Variants in DOCK2 observed in about 807,000 individuals in gnomAD.
DOCK2 encodes the protein dedicator of cytokinesis 2.
DOCK2 carries 87 observed loss-of-function variants against 248.9 expected under a neutral mutation model. That is an observed-to-expected ratio of 0.35 (90% CI 0.29 to 0.42). The LOEUF is 0.42. Among genes scored for constraint, DOCK2 ranks in the 10% least tolerant of loss-of-function variants. The pLI is 1.00. For synonymous variants in DOCK2, 805 were observed against 821.6 expected, an observed-to-expected ratio of 0.98 and a Z score of 0.35; for missense variants, 1,747 against 2,300.2, an observed-to-expected ratio of 0.76 and a Z score of 4.92.
chr5:169,947,075 C>T (rs764427559), intron 27 of DOCK2, among the ~76,000 whole-genome samples: 6 of 152,170 alleles, frequency 3.9e-5, no homozygotes, highest in Admixed American at 1.3e-4. Context: ...CTGCAACATA[C>T]GTTTATCTTT....
At chr5:169,753,946 T>C (rs981086527) in intron 23 of DOCK2, among the ~76,000 whole-genome samples, 4 of 152,170 alleles carry the variant, frequency 2.6e-5, no homozygotes, top group Admixed American at 1.3e-4. Flanking sequence ...AATAAAAGGA[T>C]TAAAAATTGA....
chr5:169,798,977 C>T (rs1218124551), intron 25 of DOCK2, among the ~76,000 whole-genome samples: 2 of 152,192 alleles, frequency 1.3e-5, no homozygotes, highest in Non-Finnish European at 2.9e-5. Context: ...CAATTGACCA[C>T]GCTTGATTTG....
At chr5:169,814,204 G>A (rs1767927604) in intron 26 of DOCK2, among the ~76,000 whole-genome samples, 1 of 152,154 alleles carries the variant, frequency 6.6e-6, no homozygotes, top group African/African-American at 2.4e-5. Flanking sequence ...ATGAGCAAAG[G>A]GAAACCACCA....
intron 2 of DOCK2, among the ~76,000 whole-genome samples, chr5:169,658,621 G>A (rs1053085955): frequency 6.6e-6 from 1 of 151,732 alleles, no homozygotes; most frequent in Non-Finnish European, 1.5e-5. Flanking sequence ...GAGTTGACTG[G>A]AATGATATTA....
At position 169,763,078 on chromosome 5, in the gene DOCK2, C is replaced by G. The variant is rs756675571; in HGVS notation, c.2554+1453C>G. Among the ~76,000 whole-genome samples, 1 of 152,172 alleles carries G rather than the reference C, an allele frequency of 6.6e-6. No individual in the cohort carries two copies. The highest frequency in any genetic ancestry group is 1.5e-5 in the Non-Finnish European group (1 of 68,024). ...GTGTGTGGTTTCCTGACCCTTTAGA[C>G]AGATATGTGACAACAGATTAATCCA... On this transcript the variant is annotated intron_variant, in intron 25 of 51. Coordinates refer to ENST00000520908, the MANE Select transcript of DOCK2 (RefSeq NM_004946.3). This position sits in a 1 kb window ranked among gnomAD's most constrained non-coding sequence, Gnocchi z 4.1.
intron 26 of DOCK2, among the ~76,000 whole-genome samples, chr5:169,835,499 C>T (rs971791821): frequency 6.6e-6 from 1 of 152,082 alleles, no homozygotes; most frequent in African/African-American, 2.4e-5. Flanking sequence ...AGATGATCTG[C>T]CCGCCTCAGC....
intron 40 of DOCK2, among the ~76,000 whole-genome samples, chr5:170,048,163 G>A (rs1756781511): frequency 6.6e-6 from 1 of 152,192 alleles, no homozygotes; most frequent in African/African-American, 2.4e-5. Flanking sequence ...AGGCTGAGGT[G>A]GGCAGATTAC....
chr5:169,953,770 G>C (rs1307996768), intron 27 of DOCK2, among the ~76,000 whole-genome samples: 1 of 152,204 alleles, frequency 6.6e-6, no homozygotes, highest in African/African-American at 2.4e-5. Flanking sequence ...TTTTCTCCTC[G>C]GGAGACACCT....
At chr5:170,045,240 C>T (rs1489028567) in intron 38 of DOCK2, among the ~76,000 whole-genome samples, 2 of 152,156 alleles carry the variant, frequency 1.3e-5, no homozygotes, top group African/African-American at 4.8e-5. Flanking sequence ...AGAACTGGGG[C>T]CTGGTCCCAA....
intron 1 of DOCK2, among the ~76,000 whole-genome samples, chr5:169,648,537 A>G (rs1757611502): frequency 6.6e-6 from 1 of 152,192 alleles, no homozygotes. Context: ...GACCAAATGC[A>G]TCTCCACTCG....
chr5:169,975,472 C>CAT (rs1256627476), intron 27 of DOCK2, among the ~76,000 whole-genome samples: 1 of 152,186 alleles, frequency 6.6e-6, no homozygotes, highest in African/African-American at 2.4e-5. Flanking sequence ...CTGACCTCAT[C>CAT]ATATACGGAG....
chr5:169,710,824 C>T (rs1761539895), intron 15 of DOCK2, among the ~76,000 whole-genome samples: 1 of 152,178 alleles, frequency 6.6e-6, no homozygotes, highest in Non-Finnish European at 1.5e-5. Flanking sequence ...GTTAATGTAC[C>T]AGGTCAGGTT....
At chr5:169,866,935 G>A (rs1192078223) in intron 27 of DOCK2, among the ~76,000 whole-genome samples, 2 of 152,194 alleles carry the variant, frequency 1.3e-5, no homozygotes, top group African/African-American at 2.4e-5. Context: ...GATAGCATCA[G>A]ATTCCATAGA....
chr5:170,019,208 G>A, intron 33 of DOCK2, 100 bp downstream of exon 33: 1 of 1,563,646 alleles, frequency 6.4e-7, no homozygotes, highest in Non-Finnish European at 8.7e-7. Context: ...TCATTGAGAG[G>A]CTCGGCGGCA....
intron 8 of DOCK2, among the ~76,000 whole-genome samples, chr5:169,688,913 C>T (rs549317600): frequency 1.3e-5 from 2 of 152,304 alleles, no homozygotes; most frequent in African/African-American, 4.8e-5. Context: ...TACTAAAGTC[C>T]TTTCCCCTCT....
At position 170,042,093 on chromosome 5, in the gene DOCK2, G is replaced by A. The variant is rs142249400; in HGVS notation, c.3837G>A (p.Thr1279=). ...AGACACACCGGCAGCTGAAGGAGAC[G>A]CTCTACGAGACCATCATAGGCTACT... is the stretch of plus-strand genomic sequence containing the variant. ...HPQTHRQLKE[T]LYETIIGYFD... Residue 1279 remains threonine (T), a synonymous_variant, in exon 38 of 52, where the codon ACG becomes ACA. Coordinates refer to ENST00000520908, the MANE Select transcript of DOCK2 (RefSeq NM_004946.3). 50 of 1,613,310 alleles carry A rather than the reference G, an allele frequency of 3.1e-5. 1 individual carries two copies. The highest frequency in any genetic ancestry group is 2.7e-4 in the South Asian group (25 of 91,020).
chr5:169,973,549 A>G (rs189074007), intron 27 of DOCK2, among the ~76,000 whole-genome samples: 1 of 152,296 alleles, frequency 6.6e-6, no homozygotes, highest in Non-Finnish European at 1.5e-5. Flanking sequence ...AAGAGGTAAA[A>G]TAATTTGTCC....
rs535531464 is a variant in DOCK2, at chr5:170,080,214, G to A, written c.5218G>A (p.Ala1740Thr). Residue 1740 changes from alanine to threonine, a missense_variant, in exon 50 of 52, where the codon GCC becomes ACC. Coordinates refer to ENST00000520908, the MANE Select transcript of DOCK2 (RefSeq NM_004946.3). ...TGACACCAACCTCTCGGAGCATGCG[G>A]CCATCCCCCTCAAGGCGTCTGTCCT... ...MSDTNLSEHAAIPLKASVLSQ... is the reference protein window; with the variant it reads ...MSDTNLSEHATIPLKASVLSQ... 1 of 1,614,140 alleles carries A rather than the reference G, an allele frequency of 6.2e-7. No individual in the cohort carries two copies. The highest frequency in any genetic ancestry group is 2.2e-5 in the East Asian group (1 of 44,876).
At chr5:169,959,131 G>A (rs1378603909) in intron 27 of DOCK2, among the ~76,000 whole-genome samples, 1 of 152,182 alleles carries the variant, frequency 6.6e-6, no homozygotes, top group East Asian at 1.9e-4. Flanking sequence ...GGTGGCTCAT[G>A]CCTGTAATCC....
Sources: allele counts gnomAD v4.1 joint callset (sites outside exome capture counted in the v4.1 genomes callset), GRCh38; gene constraint gnomAD v4.1.1; non-coding constraint Gnocchi (gnomAD v3.1); transcripts MANE v1.5; gene names NCBI Gene and HGNC (gene_info 2026-07-23, HGNC 2026-07-21).